The following SMG7 variants were observed in gnomAD, a reference collection of about 807,000 sequenced individuals.
SMG7 encodes the protein nonsense-mediated mRNA decay factor SMG7.
Under a neutral mutation model 148.2 loss-of-function variants are expected in SMG7, and 34 were observed. The ratio of observed to expected loss-of-function variants is 0.23; its 90% confidence interval spans 0.17 to 0.31. SMG7 has a LOEUF of 0.31. Among genes scored for constraint, SMG7 ranks in the 10% least tolerant of loss-of-function variants. The probability of loss-of-function intolerance (pLI) is 1.00; values close to 1 mark genes in which losing one functional copy is unlikely to be tolerated. For missense variants in SMG7, 1,114 were observed against 1,408.4 expected (o/e 0.79, Z 3.35); for synonymous variants, 492 against 515.1 (o/e 0.96, Z 0.61).
chr1:183,543,086 A>G (rs1173070981), intron 14 of SMG7, among the ~76,000 whole-genome samples: 1 of 151,978 alleles, frequency 6.6e-6, no homozygotes, highest in Admixed American at 6.6e-5. Context: ...TAAAGGAAGA[A>G]CCCAGGTTTC....
intron 1 of SMG7, chr1:183,501,415 C>T: frequency 6.6e-6 from 1 of 152,246 alleles, no homozygotes; most frequent in East Asian, 1.9e-4. Context: ...ATTATACTCC[C>T]ATTTTATGAT....
At chr1:183,501,232 T>C (rs903626440) in intron 1 of SMG7, 2 of 152,164 alleles carry the variant, frequency 1.3e-5, no homozygotes, top group African/African-American at 4.8e-5. Flanking sequence ...GCTTTACTTC[T>C]GTTACCTCAT....
At position 183,501,951 on chromosome 1, in the gene SMG7, G is replaced by T. The variant is rs748250053; in HGVS notation, c.30-10886G>T. 2.6e-5 allele frequency among the ~76,000 whole-genome samples: 4 copies of T among 152,018 alleles called. No homozygotes were observed. In the East Asian group the frequency reaches 7.7e-4, roughly 29 times the overall value. On this transcript the variant is annotated intron_variant, in intron 1 of 22. Transcript: ENST00000688051. Reference sequence around the variant, plus strand: ...TGTTCTACAGGGCATTCTCATCCTGGTCTTAAAAGAGCCCTGCTTGGTAAC... The same window carrying T: ...TGTTCTACAGGGCATTCTCATCCTGTTCTTAAAAGAGCCCTGCTTGGTAAC...
At chr1:183,517,156 T>C (rs1349451530) in intron 3 of SMG7, among the ~76,000 whole-genome samples, 1 of 152,222 alleles carries the variant, frequency 6.6e-6, no homozygotes, top group East Asian at 1.9e-4. Flanking sequence ...TAGCCAAATT[T>C]GAAATGTGGC....
At chr1:183,547,398 AC>A in intron 18 of SMG7, 146 bp downstream of exon 18, 7 of 731,794 alleles carry the variant, frequency 9.6e-6, no homozygotes, top group South Asian at 2.3e-5. Flanking sequence ...GCCTAAACCA[AC>A]CTTAAGTTGG....
intron 1 of SMG7, among the ~76,000 whole-genome samples, chr1:183,473,351 G>T (rs902322798): frequency 1.3e-5 from 2 of 151,988 alleles, no homozygotes; most frequent in African/African-American, 4.8e-5. Flanking sequence ...TCTGAGAGTC[G>T]TGTGTATTCA....
intron 8 of SMG7, among the ~76,000 whole-genome samples, chr1:183,531,193 G>A (rs1335825662): frequency 2.0e-5 from 3 of 152,066 alleles, no homozygotes; most frequent in African/African-American, 7.2e-5. Flanking sequence ...TAGATAATTA[G>A]TATCATCAAC....
At position 183,546,407 on chromosome 1, in the gene SMG7, A is replaced by T. The variant is rs1421251153; in HGVS notation, c.2742+70A>T. 4.0e-6 allele frequency: 6 copies of T among 1,488,436 alleles called. No individual in the cohort carries two copies. In the East Asian group the frequency reaches 1.4e-4, roughly 34 times the overall value. The allele number at this position is 1,488,436 out of a possible 1,614,324, so 92.2% of individuals were successfully genotyped here. On this transcript the variant is annotated intron_variant, in intron 17 of 22. Transcript: ENST00000688051. ...AGGTTGACTGTCTTTTGAATATCTC[A>T]AATAGATCTTATAAAAAGGCCACTC...
In SMG7 at chr1:183,527,833, C is replaced by A. The variant is rs1215963295; in HGVS notation, c.485-123C>A. The A allele has an allele frequency of 1.5e-5, 10 of 674,738 alleles. No homozygotes were observed. Among genetic ancestry groups the A allele is most frequent in the African/African-American group, 1.5e-4 (8 of 54,646 alleles). The allele number at this position is 674,738 out of a possible 1,614,324, so 41.8% of individuals were successfully genotyped here. On this transcript the variant is annotated intron_variant, in intron 5 of 22. Coordinates refer to ENST00000688051, the MANE Select transcript of SMG7 (RefSeq NM_001375584.1). This position sits in a 1 kb window ranked among gnomAD's most constrained non-coding sequence, Gnocchi z 4.0. ...GTTAATTTGTTTTAAAGTATTTTGT[C>A]TTTAATTTTAAATTAACTTTAATGT...
intron 8 of SMG7, among the ~76,000 whole-genome samples, chr1:183,530,114 A>G (rs1456230701): frequency 6.6e-6 from 1 of 152,202 alleles, no homozygotes; most frequent in East Asian, 1.9e-4. Flanking sequence ...AAAAGTATTA[A>G]CTTTTTTTCA....
Position 183,549,834 on chromosome 1 carries a change from A to T in SMG7, c.3044A>T (p.Glu1015Val). ...AACCTGACATCCAGCTCCAAAGCAG[A>T]ACTCAGTCCCTCAATGGCCCCCCAG... ...GKNLTSSSKA[E>V]LSPSMAPQET... The change falls in exon 20 of 23, where the codon GAA becomes GTA. Residue 1015 changes from glutamate (E) to valine (V), a missense_variant. Coordinates refer to ENST00000688051, the MANE Select transcript of SMG7 (RefSeq NM_001375584.1). The T allele has an allele frequency of 6.2e-7, 1 of 1,613,856 alleles. No homozygotes were observed. Among genetic ancestry groups the T allele is most frequent in the Non-Finnish European group, 8.5e-7 (1 of 1,179,806 alleles).
At chr1:183,502,444 G>A (rs1659946811) in intron 1 of SMG7, 8 of 1,420,778 alleles carry the variant, frequency 5.6e-6, no homozygotes, top group South Asian at 3.8e-5. Flanking sequence ...TTTTGGAGAT[G>A]TGTATTATTC....
intron 6 of SMG7, 143 bp from the exon 7 acceptor site, chr1:183,528,749 C>T (rs1370709809): frequency 1.5e-5 from 10 of 681,540 alleles, no homozygotes; most frequent in East Asian, 2.6e-5. Context: ...TTGGACCTTA[C>T]GCTGGTTTGC....
intron 12 of SMG7, among the ~76,000 whole-genome samples, chr1:183,538,898 C>T (rs1409428752): frequency 6.6e-6 from 1 of 152,048 alleles, no homozygotes; most frequent in Non-Finnish European, 1.5e-5. Flanking sequence ...GAGTAGTATG[C>T]ACTTTGGGAG....
In SMG7 at chr1:183,527,847, T is replaced by C. The variant is rs1025629798; in HGVS notation, c.485-109T>C. The C allele has an allele frequency of 4.2e-6, 3 of 714,744 alleles. No homozygotes were observed. Among genetic ancestry groups the C allele is most frequent in the Non-Finnish European group, 7.3e-6 (3 of 413,302 alleles). The allele number at this position is 714,744 out of a possible 1,614,324, so 44.3% of individuals were successfully genotyped here. A position where few individuals can be genotyped will look rare whatever the true frequency, so the allele number is the denominator to read the frequency against. On this transcript the variant is annotated intron_variant, in intron 5 of 22. Coordinates refer to ENST00000688051, the MANE Select transcript of SMG7 (RefSeq NM_001375584.1). The surrounding 1 kb of genome is among the most constrained non-coding windows in gnomAD (Gnocchi z 4.0). ...AAGTATTTTGTCTTTAATTTTAAATTAACTTTAATGTCTTTATTATCTTTA... is the reference window on the plus strand; with the variant it reads ...AAGTATTTTGTCTTTAATTTTAAATCAACTTTAATGTCTTTATTATCTTTA...
chr1:183,547,367 T>C lies in SMG7; in HGVS notation c.2892+115T>C, dbSNP rs191555927. 1.6e-3 allele frequency: 1,585 copies of C among 994,098 alleles called. 31 individuals carry two copies. The Admixed American group carries it at 0.037, about 23-fold the overall frequency. The allele number at this position is 994,098 out of a possible 1,614,324, so 61.6% of individuals were successfully genotyped here. ...TTCCTGGGGCTGTCCTTTTCAGAAC[T>C]GTAAAACATATTTTCTAATTGCCTA... On this transcript the variant is annotated intron_variant, in intron 18 of 22. Coordinates refer to ENST00000688051, the MANE Select transcript of SMG7 (RefSeq NM_001375584.1).
intron 4 of SMG7, among the ~76,000 whole-genome samples, chr1:183,525,609 A>G (rs562649287): frequency 6.6e-6 from 1 of 152,214 alleles, no homozygotes; most frequent in Admixed American, 6.5e-5. Context: ...TGTGTAGGCC[A>G]TAGGAAAGAA....
intron 18 of SMG7, among the ~76,000 whole-genome samples, chr1:183,548,190 C>A (rs1382203127): frequency 6.6e-6 from 1 of 152,090 alleles, no homozygotes; most frequent in Non-Finnish European, 1.5e-5. Flanking sequence ...AAGAATTTGC[C>A]TGGGTAGTAG....
intron 1 of SMG7, chr1:183,502,458 C>T (rs537105315): frequency 4.1e-6 from 5 of 1,232,330 alleles, no homozygotes; most frequent in African/African-American, 3.0e-5. Context: ...ATTATTCATA[C>T]TCTGTGAATA....
Sources: gnomAD v4.1 joint callset for allele counts (sites outside exome capture counted in the v4.1 genomes callset) on GRCh38, gnomAD v4.1.1 for gene constraint, Gnocchi (gnomAD v3.1) non-coding constraint, MANE v1.5 for transcripts, NCBI Gene and HGNC (gene_info 2026-07-23, HGNC 2026-07-21) for gene names.